Variants in USP6NL observed in about 807,000 individuals in gnomAD.
USP6NL encodes USP6 N-terminal like.
A neutral mutation model predicts 61.9 loss-of-function variants in USP6NL; 26 were observed. The observed-to-expected ratio is 0.42, with a 90% confidence interval of 0.31 to 0.58. The LOEUF is 0.58. Ranked by LOEUF, USP6NL falls within the 20% of genes least tolerant of loss-of-function variation. The pLI is 0.16. For missense variants in USP6NL, 1,114 were observed against 1,034.3 expected, an observed-to-expected ratio of 1.08 and a Z score of -1.06; for synonymous variants, 432 against 390.1, an observed-to-expected ratio of 1.11 and a Z score of -1.27.
At chr10:11,512,614 C>T (rs1834770531) in intron 5 of USP6NL, among the ~76,000 whole-genome samples, 1 of 152,230 alleles carries the variant, frequency 6.6e-6, no homozygotes, top group African/African-American at 2.4e-5. Flanking sequence ...AGTTCTACCT[C>T]CTGCTACTTC....
intron 13 of USP6NL, among the ~76,000 whole-genome samples, chr10:11,483,486 G>C (rs981970261): frequency 1.6e-5 from 2 of 125,218 alleles, no homozygotes; most frequent in African/African-American, 3.2e-5. Context: ...AAGAAAGTGG[G>C]GGGGGAGGGG....
At chr10:11,535,698 T>C (rs1835805770) in intron 2 of USP6NL, among the ~76,000 whole-genome samples, 1 of 152,234 alleles carries the variant, frequency 6.6e-6, no homozygotes, top group African/African-American at 2.4e-5. Flanking sequence ...TACAATAATC[T>C]GAATAAGTTA....
intron 2 of USP6NL, among the ~76,000 whole-genome samples, chr10:11,552,951 A>G (rs1460980172): frequency 6.6e-6 from 1 of 152,128 alleles, no homozygotes; most frequent in Non-Finnish European, 1.5e-5. Context: ...TCCAGCAGGT[A>G]ATTTTCAAAC....
At chr10:11,546,040 T>C (rs1235060113) in intron 2 of USP6NL, among the ~76,000 whole-genome samples, 4 of 152,364 alleles carry the variant, frequency 2.6e-5, no homozygotes, top group African/African-American at 4.8e-5. Context: ...TTTAATACCA[T>C]TGATCTGGTA....
chr10:11,580,836 G>A lies in USP6NL; in HGVS notation c.4+16795C>T, dbSNP rs138797945. Among the ~76,000 whole-genome samples the A allele has an allele frequency of 9.2e-4, 139 of 151,846 alleles. 3 individuals are homozygous for A. In the South Asian group the frequency reaches 0.028, roughly 30 times the overall value. On this transcript the variant is annotated intron_variant, in intron 2 of 14. Transcript: ENST00000609104. ...CTCGTTGGATGGATGGATTGATGGA[G>A]GAATGAATGGATGAATGACGAACGG... is the stretch of plus-strand genomic sequence containing the variant.
chr10:11,564,255 A>G (rs183832888), intron 2 of USP6NL: 1 of 152,340 alleles, frequency 6.6e-6, no homozygotes, highest in Non-Finnish European at 1.5e-5. Flanking sequence ...CATTTAAATT[A>G]TATTTAAATT....
rs75306582 is a variant in USP6NL, at chr10:11,527,930, G to A, written c.5-363C>T. Reference sequence around the variant, plus strand: ...GGTAGAAGAGACAAACATTCAAAACGGCTTTTAAAAAGTAAAGGAACTTGG... The same window carrying A: ...GGTAGAAGAGACAAACATTCAAAACAGCTTTTAAAAAGTAAAGGAACTTGG... On this transcript the variant is annotated intron_variant, in intron 2 of 14. Transcript: ENST00000609104. 9.0e-3 allele frequency among the ~76,000 whole-genome samples: 1,372 copies of A among 152,130 alleles called. 22 individuals carry two copies. Among genetic ancestry groups the A allele is most frequent in the African/African-American group, 0.029 (1,196 of 41,488 alleles).
Position 11,518,630 on chromosome 10 carries a change from A to G in USP6NL, c.156-56T>C. 1 of 1,333,830 alleles carries G rather than the reference A, an allele frequency of 7.5e-7. No homozygotes were observed. The highest frequency in any genetic ancestry group is 1.1e-6 in the Non-Finnish European group (1 of 934,052). The allele number at this position is 1,333,830 out of a possible 1,614,324, so 82.6% of individuals were successfully genotyped here. ...TGTTGAAATCAAAACAAACTTTTAA[A>G]AGCTTATATACTTATAGATACATAT... On this transcript the variant is annotated intron_variant, in intron 4 of 14. Transcript: ENST00000609104. This position sits in a 1 kb window ranked among gnomAD's most constrained non-coding sequence, Gnocchi z 5.3.
intron 7 of USP6NL, among the ~76,000 whole-genome samples, chr10:11,494,674 T>C (rs1833840965): frequency 6.6e-6 from 1 of 152,112 alleles, no homozygotes; most frequent in African/African-American, 2.4e-5. Context: ...GGTAAGGTCA[T>C]GTGGGTCACG....
At chr10:11,573,838 A>C (rs1837445704) in intron 2 of USP6NL, 1 of 392,960 alleles carries the variant, frequency 2.5e-6, no homozygotes, top group Admixed American at 4.4e-5. Flanking sequence ...GCTCTGAAGC[A>C]GTTAATAAGA....
At chr10:11,555,471 A>AGAAAG (rs1566178235) in intron 2 of USP6NL, among the ~76,000 whole-genome samples, 3,112 of 60,554 alleles carry the variant, frequency 0.051, 149 homozygotes, top group Non-Finnish European at 0.07. Flanking sequence ...GAGAGAGAGA[A>AGAAAG]AGAGAGAGAG....
rs373525523 is a variant in USP6NL, at chr10:11,487,800, T to C, written c.664+1302A>G. 3.9e-5 allele frequency among the ~76,000 whole-genome samples: 6 copies of C among 152,216 alleles called. No homozygotes were observed. The East Asian group carries it at 7.7e-4, about 20-fold the overall frequency. ...AGAAAGACAAATGCAAACACATACA[T>C]ACCCCCCTCACTCTTCCACACACAC... On this transcript the variant is annotated intron_variant, in intron 10 of 14. Coordinates refer to ENST00000609104, the MANE Select transcript of USP6NL (RefSeq NM_014688.5). The surrounding 1 kb of genome is among the most constrained non-coding windows in gnomAD (Gnocchi z 4.2).
At chr10:11,594,812 A>T (rs1838274509) in intron 2 of USP6NL, among the ~76,000 whole-genome samples, 1 of 152,236 alleles carries the variant, frequency 6.6e-6, no homozygotes, top group African/African-American at 2.4e-5. Flanking sequence ...TTTATTTAAC[A>T]CCTATTTAGT....
chr10:11,463,918 TA>T lies in USP6NL; in HGVS notation c.1079-70del. On this transcript the variant is annotated intron_variant, in intron 14 of 14. Transcript: ENST00000609104. The surrounding 1 kb of genome is among the most constrained non-coding windows in gnomAD (Gnocchi z 6.3). ...ACAGTAGCCAGTTGAAGCAATCCAT[TA>T]GTAACAATGGCATGCTTTTCATCTG... 7.3e-7 allele frequency: 1 copy of T among 1,374,604 alleles called. No homozygotes were observed. Among genetic ancestry groups the T allele is most frequent in the Non-Finnish European group, 9.7e-7 (1 of 1,030,234 alleles). The allele number at this position is 1,374,604 out of a possible 1,614,324, so 85.2% of individuals were successfully genotyped here. A position where few individuals can be genotyped will look rare whatever the true frequency, so the allele number is the denominator to read the frequency against.
chr10:11,574,322 G>A lies in USP6NL; in HGVS notation c.4+23309C>T, dbSNP rs1289981917. Among the ~76,000 whole-genome samples the A allele has an allele frequency of 6.6e-6, 1 of 152,042 alleles. No individual in the cohort carries two copies. Among genetic ancestry groups the A allele is most frequent in the Non-Finnish European group, 1.5e-5 (1 of 68,000 alleles). ...TCCTCCTCCTCACATATACACCTCTGACATCCCAGTCCATGAATAGAAGTC... is the reference window on the plus strand; with the variant it reads ...TCCTCCTCCTCACATATACACCTCTAACATCCCAGTCCATGAATAGAAGTC... On this transcript the variant is annotated intron_variant, in intron 2 of 14. Coordinates refer to ENST00000609104, the MANE Select transcript of USP6NL (RefSeq NM_014688.5). This position sits in a 1 kb window ranked among gnomAD's most constrained non-coding sequence, Gnocchi z 4.3.
intron 2 of USP6NL, among the ~76,000 whole-genome samples, chr10:11,542,953 C>A (rs1397190074): frequency 1.3e-5 from 2 of 152,048 alleles, no homozygotes; most frequent in African/African-American, 4.8e-5. Flanking sequence ...GGGTAATCTA[C>A]CGCAGGAGCA....
chr10:11,512,376 A>G (rs1834757777), intron 5 of USP6NL, among the ~76,000 whole-genome samples: 1 of 152,046 alleles, frequency 6.6e-6, no homozygotes, highest in Non-Finnish European at 1.5e-5. Context: ...TCCTGCTTCC[A>G]TCCTGTCCTC....
rs1299567740 is a variant in USP6NL at position 11,485,648 on chromosome 10, A to C, written c.759+169T>G. 1.3e-5 allele frequency among the ~76,000 whole-genome samples: 2 copies of C among 152,194 alleles called. No individual in the cohort carries two copies. The highest frequency in any genetic ancestry group is 2.1e-4 in the South Asian group (1 of 4,826). The stretch of plus-strand genomic sequence containing the variant: ...GAACTGTGATAGCCTGTCAATATTA[A>C]ATTTTACAAATCTAATGGTTTGTAA... On this transcript the variant is annotated intron_variant, in intron 11 of 14. Coordinates refer to ENST00000609104, the MANE Select transcript of USP6NL (RefSeq NM_014688.5). This position sits in a 1 kb window ranked among gnomAD's most constrained non-coding sequence, Gnocchi z 4.8.
rs1028937806 is a variant in USP6NL at position 11,548,251 on chromosome 10, T to C, written c.5-20684A>G. Among the ~76,000 whole-genome samples the C allele has an allele frequency of 2.6e-5, 4 of 152,240 alleles. No individual in the cohort carries two copies. Among genetic ancestry groups the C allele is most frequent in the South Asian group, 4.1e-4 (2 of 4,828 alleles). Reference sequence around the variant, plus strand: ...ATTTACTAAAGTCCCCTTTGAAATTTGATGCCCCAAATTCAACATGATACC... The same window carrying C: ...ATTTACTAAAGTCCCCTTTGAAATTCGATGCCCCAAATTCAACATGATACC... On this transcript the variant is annotated intron_variant, in intron 2 of 14. Transcript: ENST00000609104. The surrounding 1 kb of genome is among the most constrained non-coding windows in gnomAD (Gnocchi z 4.3).
Sources: allele counts gnomAD v4.1 joint callset (sites outside exome capture counted in the v4.1 genomes callset), GRCh38; gene constraint gnomAD v4.1.1; non-coding constraint Gnocchi (gnomAD v3.1); transcripts MANE v1.5; gene names NCBI Gene and HGNC (gene_info 2026-07-23, HGNC 2026-07-21).